Variants in MCF2L2 observed in about 807,000 individuals in gnomAD.
MCF2L2 encodes the protein probable guanine nucleotide exchange factor MCF2L2.
Under a neutral mutation model 150.2 loss-of-function variants are expected in MCF2L2, and 102 were observed. The observed-to-expected ratio is 0.68, with a 90% CI of 0.58 to 0.80. MCF2L2 has a LOEUF of 0.80. Among genes scored for constraint, MCF2L2 ranks in the 30% least tolerant of loss-of-function variants. The pLI is 0.00. For synonymous variants in MCF2L2, 465 were observed against 491.3 expected (o/e 0.95, Z 0.71); for missense variants, 1,256 against 1,372.8 (o/e 0.91, Z 1.34).
intron 7 of MCF2L2, among the ~76,000 whole-genome samples, chr3:183,314,742 T>A (rs1222478074): frequency 1.3e-5 from 2 of 150,496 alleles, no homozygotes; most frequent in Non-Finnish European, 3.0e-5. Context: ...CTTATAATAG[T>A]TTTTCACTTT....
In MCF2L2 at chr3:183,408,669, G is replaced by C. The variant is rs886584495; in HGVS notation, c.77-18890C>G. On this transcript the variant is annotated intron_variant, in intron 1 of 29. Coordinates refer to ENST00000328913, the MANE Select transcript of MCF2L2 (RefSeq NM_015078.4). The stretch of plus-strand genomic sequence containing the variant: ...AATTTAATTAATTCTAGCTTCCCAG[G>C]GTATTGAAAGAGAAAGCTAAAATGA... Among the ~76,000 whole-genome samples the C allele has an allele frequency of 2.6e-5, 4 of 152,266 alleles. No individual in the cohort carries two copies. In the South Asian group the frequency reaches 6.2e-4, roughly 24 times the overall value.
At chr3:183,311,859 A>T in intron 7 of MCF2L2, 87 bp from the exon 8 acceptor site, 1 of 1,215,342 alleles carries the variant, frequency 8.2e-7, no homozygotes, top group Non-Finnish European at 1.1e-6. Flanking sequence ...GTAGATCAGT[A>T]CATTTTTCAT....
intron 3 of MCF2L2, among the ~76,000 whole-genome samples, chr3:183,367,227 CTTTT>C (rs11340213): frequency 1.4e-5 from 2 of 140,452 alleles, no homozygotes; most frequent in Non-Finnish European, 3.1e-5. Context: ...TTCTTTCTTT[CTTTT>C]TTTTTTTTTT....
chr3:183,339,039 G>A (rs1448875852), intron 4 of MCF2L2, 120 bp from the exon 5 acceptor site: 10 of 953,920 alleles, frequency 1.0e-5, no homozygotes, highest in Non-Finnish European at 1.5e-5. Context: ...TAAAACGGAT[G>A]CCATGGATGT....
intron 3 of MCF2L2, among the ~76,000 whole-genome samples, chr3:183,350,503 C>T (rs974446832): frequency 1.3e-5 from 2 of 152,174 alleles, no homozygotes; most frequent in African/African-American, 2.4e-5. Context: ...TTGTCATACT[C>T]GCTCTATGAG....
intron 15 of MCF2L2, among the ~76,000 whole-genome samples, chr3:183,261,473 TG>T (rs1316696231): frequency 5.3e-5 from 8 of 152,152 alleles, no homozygotes; most frequent in Non-Finnish European, 1.0e-4. Context: ...AAAGTTTAAA[TG>T]TAAAAGATAT....
intron 15 of MCF2L2, among the ~76,000 whole-genome samples, chr3:183,261,420 CAGG>C (rs1241159392): frequency 6.6e-6 from 1 of 151,960 alleles, no homozygotes; most frequent in Admixed American, 6.6e-5. Flanking sequence ...TATGTGTGGA[CAGG>C]AACTAAAAAC....
chr3:183,207,568 T>C (rs1172191708), intron 23 of MCF2L2, 40 bp downstream of exon 23: 2 of 1,469,868 alleles, frequency 1.4e-6, no homozygotes, highest in Non-Finnish European at 1.9e-6. Flanking sequence ...CTCTCTTTTC[T>C]GCATAGGGCG....
intron 15 of MCF2L2, among the ~76,000 whole-genome samples, chr3:183,261,235 TG>T (rs1725549993): frequency 2.6e-5 from 4 of 152,218 alleles, no homozygotes; most frequent in Non-Finnish European, 5.9e-5. Flanking sequence ...CCAGTAAATC[TG>T]GGGCTTTTTA....
chr3:183,292,603 G>A (rs1014556589), intron 13 of MCF2L2, among the ~76,000 whole-genome samples: 2 of 149,532 alleles, frequency 1.3e-5, no homozygotes, highest in Non-Finnish European at 3.0e-5. Flanking sequence ...ACACACACAC[G>A]TATGTATTTC....
At chr3:183,327,126 A>C (rs1577065842) in intron 5 of MCF2L2, among the ~76,000 whole-genome samples, 1 of 152,112 alleles carries the variant, frequency 6.6e-6, no homozygotes, top group African/African-American at 2.4e-5. Flanking sequence ...GGAATTCGAG[A>C]CCAGCCTGAC....
chr3:183,273,062 T>C (rs1448482795), intron 15 of MCF2L2: 6 of 1,482,668 alleles, frequency 4.0e-6, no homozygotes, highest in Non-Finnish European at 5.4e-6. Context: ...CTGAGAAGAG[T>C]ATCTGTAAAT....
chr3:183,389,569 AGTCCCGGGTGAAG>A, intron 2 of MCF2L2, 114 bp downstream of exon 2: 1 of 743,814 alleles, frequency 1.3e-6, no homozygotes, highest in Non-Finnish European at 2.3e-6. Context: ...AGCCTGTTCT[AGTCCCGGGTGAAG>A]CCTAAGGGGT....
Position 183,353,092 on chromosome 3 carries a change from T to C in MCF2L2, c.276-11462A>G, listed in dbSNP as rs563438497. 2.6e-4 allele frequency among the ~76,000 whole-genome samples: 39 copies of C among 152,326 alleles called. 2 individuals carry two copies. In the South Asian group the frequency reaches 7.5e-3, roughly 29 times the overall value. The stretch of plus-strand genomic sequence containing the variant: ...GGGTGATAGAAACATAGGTGTTTAT[T>C]ATACTAGTCTGTTGGCTTTCGCAAA... On this transcript the variant is annotated intron_variant, in intron 3 of 29. Transcript: ENST00000328913.
intron 15 of MCF2L2, among the ~76,000 whole-genome samples, chr3:183,244,223 A>C (rs1180386333): frequency 6.7e-6 from 1 of 150,034 alleles, no homozygotes; most frequent in African/African-American, 2.4e-5. Context: ...AAAAACAGGC[A>C]GAGGAAGGTG....
At position 183,228,457 on chromosome 3, in the gene MCF2L2, G is replaced by A. The variant is rs1723429121; in HGVS notation, c.2046-91C>T. 8 of 830,244 alleles carry A rather than the reference G, an allele frequency of 9.6e-6. No homozygotes were observed. The South Asian group carries it at 1.3e-4, about 13-fold the overall frequency. 51.4% of individuals were successfully genotyped at this position (830,244 alleles called of 1,614,324 possible). On this transcript the variant is annotated intron_variant, in intron 17 of 29. Coordinates refer to ENST00000328913, the MANE Select transcript of MCF2L2 (RefSeq NM_015078.4). The stretch of plus-strand genomic sequence containing the variant: ...AGTACAATCACATAAGGTTTCAAGA[G>A]GTGCCTAGAAAAATGTTCTCCAGGC...
chr3:183,324,157 TGA>T, intron 5 of MCF2L2, among the ~76,000 whole-genome samples: 1 of 152,304 alleles, frequency 6.6e-6, no homozygotes, highest in South Asian at 2.1e-4. Flanking sequence ...TGCGCCCCGA[TGA>T]AGAATATTGA....
intron 20 of MCF2L2, among the ~76,000 whole-genome samples, chr3:183,221,796 A>C (rs1461360998): frequency 6.6e-6 from 1 of 152,166 alleles, no homozygotes; most frequent in East Asian, 1.9e-4. Flanking sequence ...GACAGTCTCA[A>C]TGTCTAAGAT....
chr3:183,301,829 C>T (rs1728866356), intron 10 of MCF2L2, among the ~76,000 whole-genome samples: 1 of 150,370 alleles, frequency 6.7e-6, no homozygotes, highest in Admixed American at 6.6e-5. Context: ...AAGCCTGACA[C>T]TACAGCCTTA....
Sources: gnomAD v4.1 joint callset for allele counts (sites outside exome capture counted in the v4.1 genomes callset) on GRCh38, gnomAD v4.1.1 for gene constraint, MANE v1.5 for transcripts, NCBI Gene and HGNC (gene_info 2026-07-23, HGNC 2026-07-21) for gene names.